The following FBN2 variants were observed in gnomAD, a reference collection of about 807,000 sequenced individuals.
The protein encoded by FBN2 is fibrillin-2.
FBN2 carries 105 observed loss-of-function variants against 355.6 expected under a neutral mutation model. That is an observed-to-expected ratio of 0.30 (90% CI 0.25 to 0.35). The LOEUF is 0.35. FBN2 is among the 10% of genes least tolerant of loss of function. The pLI is 1.00. For synonymous variants in FBN2, 1,350 were observed against 1,301.2 expected, an observed-to-expected ratio of 1.04 and a Z score of -0.81; for missense variants, 3,280 against 3,758.7, an observed-to-expected ratio of 0.87 and a Z score of 3.33.
intron 49 of FBN2, 96 bp downstream of exon 49, chr5:128,291,433 G>T: frequency 7.3e-7 from 1 of 1,360,626 alleles, no homozygotes; most frequent in South Asian, 1.2e-5. Flanking sequence ...GCATAGACAT[G>T]TATTTTGTTA....
intron 23 of FBN2, among the ~76,000 whole-genome samples, chr5:128,349,061 C>T (rs901527880): frequency 1.3e-5 from 2 of 152,190 alleles, no homozygotes; most frequent in African/African-American, 4.8e-5. Context: ...TATTCTTACT[C>T]TATTAACTCA....
intron 5 of FBN2, among the ~76,000 whole-genome samples, chr5:128,509,853 TTATGTGA>T (rs1329213281): frequency 2.6e-5 from 4 of 152,118 alleles, no homozygotes; most frequent in African/African-American, 9.7e-5. Context: ...ACCCCACCAA[TTATGTGA>T]CCCTCTAATC....
rs764783994 is a variant in FBN2 at position 128,305,053 on chromosome 5, C to T, written c.5704G>A (p.Val1902Ile). 5 of 1,612,594 alleles carry T rather than the reference C, an allele frequency of 3.1e-6. No individual in the cohort carries two copies. The highest frequency in any genetic ancestry group is 1.6e-4 in the Middle Eastern group (1 of 6,076). Residue 1902 changes from valine (V) to isoleucine (I), a missense_variant, in exon 45 of 65, where the codon GTT becomes ATT. Physicochemically the swap from Val to Ile is conservative, Grantham distance 29. This residue lies in a region of FBN2 where 2,284 missense variants were observed against 2,749.5 expected (regional missense o/e 0.83). Coordinates refer to ENST00000262464, the MANE Select transcript of FBN2 (RefSeq NM_001999.4). ...TCAACACACAAGCCATGACTGCAAA[C>T]GTTAGGAATTTCTAAACATTCATTG... ...DRNECLEIPNVCSHGLCVDLQ... is the reference protein window; with the variant it reads ...DRNECLEIPNICSHGLCVDLQ...
At position 128,475,079 on chromosome 5, in the gene FBN2, G is replaced by A. The variant is rs149371623; in HGVS notation, c.629-10158C>T. 2.4e-3 allele frequency among the ~76,000 whole-genome samples: 361 copies of A among 152,258 alleles called. 3 individuals carry two copies. The highest frequency in any genetic ancestry group is 8.0e-3 in the African/African-American group (333 of 41,546). ...TGGCCCAGTGGTGGTGGTGGTAGTG[G>A]TCTGTAAGGAGGTGAACCATTCCTG... On this transcript the variant is annotated intron_variant, in intron 5 of 64. Coordinates refer to ENST00000262464, the MANE Select transcript of FBN2 (RefSeq NM_001999.4).
intron 8 of FBN2, among the ~76,000 whole-genome samples, chr5:128,404,242 T>C (rs1286019744): frequency 6.6e-6 from 1 of 152,242 alleles, no homozygotes; most frequent in Non-Finnish European, 1.5e-5. Flanking sequence ...CACATTAATA[T>C]GTTAGATTAA....
In FBN2 at chr5:128,274,641, A is replaced by T. The variant is rs755946807; in HGVS notation, c.7637T>A (p.Leu2546His). Residue 2546 changes from leucine (L) to histidine (H), a missense_variant, in exon 60 of 65, where the codon CTC (leucine) becomes CAC (histidine). By Grantham distance (99) the Leu-to-His change is moderately conservative (BLOSUM62 -3). Coordinates refer to ENST00000262464, the MANE Select transcript of FBN2 (RefSeq NM_001999.4). Reference protein sequence around the residue: ...CQTKQHNCQFLCVNTLGGFTC... With the variant: ...CQTKQHNCQFHCVNTLGGFTC... Reference sequence around the variant, plus strand: ...AAACCCCCCCAGGGTGTTGACACAGAGGAACTGGCAGTTATGCTGCTTTGT... The same window carrying T: ...AAACCCCCCCAGGGTGTTGACACAGTGGAACTGGCAGTTATGCTGCTTTGT... 6.2e-7 allele frequency: 1 copy of T among 1,613,452 alleles called. No homozygotes were observed. The highest frequency in any genetic ancestry group is 1.1e-5 in the South Asian group (1 of 91,076).
intron 27 of FBN2, among the ~76,000 whole-genome samples, chr5:128,336,914 A>T (rs1750856950): frequency 6.6e-6 from 1 of 152,210 alleles, no homozygotes; most frequent in Non-Finnish European, 1.5e-5. Context: ...TTCTCAAAAT[A>T]ACCAAGAAGA....
In FBN2 at chr5:128,468,813, T is replaced by C. The variant is rs998977695; in HGVS notation, c.629-3892A>G. On this transcript the variant is annotated intron_variant, in intron 5 of 64. Coordinates refer to ENST00000262464, the MANE Select transcript of FBN2 (RefSeq NM_001999.4). ...TACAAGTTGAGAAAATTAAACATTC[T>C]TAAAATAAAATATAATACACTTGCT... is the stretch of plus-strand genomic sequence containing the variant. 7.9e-5 allele frequency among the ~76,000 whole-genome samples: 12 copies of C among 152,296 alleles called. No individual in the cohort carries two copies. The East Asian group carries it at 1.9e-3, about 24-fold the overall frequency.
chr5:128,448,298 C>T (rs1348217685), intron 6 of FBN2, among the ~76,000 whole-genome samples: 1 of 151,804 alleles, frequency 6.6e-6, no homozygotes, highest in African/African-American at 2.4e-5. Context: ...ATCCAATATC[C>T]TAATTTTCTT....
intron 58 of FBN2, among the ~76,000 whole-genome samples, chr5:128,277,097 C>T (rs1765413773): frequency 6.6e-6 from 1 of 152,114 alleles, no homozygotes; most frequent in South Asian, 2.1e-4. Flanking sequence ...TCAAAGAAGT[C>T]AGTTGGGTTT....
chr5:128,403,254 T>C (rs1399875476), intron 8 of FBN2, among the ~76,000 whole-genome samples: 4 of 152,218 alleles, frequency 2.6e-5, no homozygotes, highest in Non-Finnish European at 5.9e-5. Context: ...ATTGGTATTA[T>C]ATTTTTTCAC....
intron 1 of FBN2, 104 bp downstream of exon 1, chr5:128,537,246 C>T: frequency 6.6e-7 from 1 of 1,519,912 alleles, no homozygotes; most frequent in South Asian, 1.2e-5. Context: ...GCTCTAGGCT[C>T]CAGCTAAAGG....
Position 128,422,227 on chromosome 5 carries a change from T to C in FBN2, c.953-13428A>G, listed in dbSNP as rs183061663. Among the ~76,000 whole-genome samples the C allele has an allele frequency of 1.5e-3, 221 of 152,296 alleles. 1 individual carries two copies. Among genetic ancestry groups the C allele is most frequent in the African/African-American group, 5.3e-3 (219 of 41,582 alleles). On this transcript the variant is annotated intron_variant, in intron 7 of 64. Transcript: ENST00000262464. ...ATCTGTTGTTTTAAGCCACAAAGTT[T>C]GTGGCAACATGTTATGACAGCAAAA...
At chr5:128,329,528 C>T (rs1750637110) in intron 33 of FBN2, among the ~76,000 whole-genome samples, 1 of 152,034 alleles carries the variant, frequency 6.6e-6, no homozygotes, top group African/African-American at 2.4e-5. Context: ...TAAGAGCAGC[C>T]AAGTAAGCTG....
intron 26 of FBN2, 80 bp from the exon 27 acceptor site, chr5:128,338,202 T>G: frequency 7.3e-7 from 1 of 1,375,920 alleles, no homozygotes; most frequent in Non-Finnish European, 1.0e-6. Context: ...GAAAGAATAT[T>G]ATCTGATGTG....
chr5:128,519,811 A>G (rs1355001901), intron 4 of FBN2, among the ~76,000 whole-genome samples: 1 of 152,042 alleles, frequency 6.6e-6, no homozygotes, highest in Admixed American at 6.6e-5. Context: ...GTAGGAGGAG[A>G]AAAATGTAAT....
intron 7 of FBN2, among the ~76,000 whole-genome samples, chr5:128,411,629 A>C (rs1031180681): frequency 5.3e-5 from 8 of 151,720 alleles, no homozygotes; most frequent in African/African-American, 1.9e-4. Flanking sequence ...TTGCCAGTGG[A>C]GCTTGGGGTT....
intron 45 of FBN2, 41 bp downstream of exon 45, chr5:128,304,916 C>G (rs1006038339): frequency 6.2e-7 from 1 of 1,613,410 alleles, no homozygotes; most frequent in East Asian, 2.2e-5. Context: ...TTCTGGAACC[C>G]CAGCCCCACT....
At chr5:128,320,679 A>T (rs1750344559) in intron 34 of FBN2, among the ~76,000 whole-genome samples, 1 of 152,218 alleles carries the variant, frequency 6.6e-6, no homozygotes, top group Non-Finnish European at 1.5e-5. Context: ...CAATTACTCA[A>T]AAATGTTTCT....
Sources: gnomAD v4.1 joint callset for allele counts (sites outside exome capture counted in the v4.1 genomes callset) on GRCh38, gnomAD v4.1.1 for gene constraint, gnomAD v4.1.1 regional missense constraint, MANE v1.5 for transcripts, NCBI Gene and HGNC (gene_info 2026-07-23, HGNC 2026-07-21) for gene names.